The following WASHC2C variants were observed in gnomAD, a reference collection of about 807,000 sequenced individuals.
The protein encoded by WASHC2C is WASH complex subunit 2C.
WASHC2C carries 73 observed loss-of-function variants against 142.2 expected under a neutral mutation model. The ratio of observed to expected loss-of-function variants is 0.51; its 90% confidence interval spans 0.43 to 0.62. The LOEUF (loss-of-function observed/expected upper bound fraction) is 0.62. WASHC2C is among the 20% of genes least tolerant of loss of function. WASHC2C has a pLI of 0.00. For missense variants in WASHC2C, 969 were observed against 1,531.7 expected (o/e 0.63, Z 6.13); for synonymous variants, 337 against 565.5 (o/e 0.60, Z 5.73).
intron 29 of WASHC2C, 142 bp downstream of exon 29, chr10:45,789,633 A>G: frequency 6.8e-7 from 1 of 1,465,554 alleles, no homozygotes; most frequent in Non-Finnish European, 9.3e-7. Context: ...AGGCTCTTTT[A>G]TTAATAAGTC....
intron 20 of WASHC2C, among the ~76,000 whole-genome samples, chr10:45,771,924 G>A (rs1169441758): frequency 6.6e-6 from 1 of 152,090 alleles, no homozygotes; most frequent in Non-Finnish European, 1.5e-5. Flanking sequence ...AATGAAATTA[G>A]TTGTTCATAT....
chr10:45,755,050 ATGATGATGATGG>A lies in WASHC2C; in HGVS notation c.1367_1378del (p.Gly456_Asp459del). ...GGTCCCCCTCCCACTGGCCTCTTTG[ATGATGATGATGG>A]TGATGATGATGACGACTTTTTCTCG... On this transcript the variant is annotated inframe_deletion, in exon 15 of 31. Transcript: ENST00000623400. The A allele has an allele frequency of 6.2e-7, 1 of 1,611,636 alleles. No homozygotes were observed. The highest frequency in any genetic ancestry group is 2.2e-5 in the East Asian group (1 of 44,870).
At chr10:45,761,798 T>C (rs566738890) in intron 17 of WASHC2C, among the ~76,000 whole-genome samples, 1 of 152,324 alleles carries the variant, frequency 6.6e-6, no homozygotes, top group African/African-American at 2.4e-5. Flanking sequence ...TTGGTTTACT[T>C]TCATTTTCTT....
chr10:45,784,934 G>C (rs1554889448), intron 25 of WASHC2C, 33 bp downstream of exon 25: 1 of 1,609,282 alleles, frequency 6.2e-7, no homozygotes, highest in Non-Finnish European at 8.5e-7. Context: ...ACTGGGTTGT[G>C]TGGGAAAGAT....
At position 45,765,726 on chromosome 10, in the gene WASHC2C, A is replaced by G. The variant is rs567231450; in HGVS notation, c.1785A>G (p.Leu595=). 6.2e-7 allele frequency: 1 copy of G among 1,612,060 alleles called. No individual in the cohort carries two copies. Among genetic ancestry groups the G allele is most frequent in the African/African-American group, 1.3e-5 (1 of 74,994 alleles). The stretch of plus-strand genomic sequence containing the variant: ...CTGCTAAGAAGCAGACATTGTCTCT[A>G]CAAGCTCAGAGAGAAGAGAAAGCAA... ...GTAAKKQTLS[L]QAQREEKAKA... The change falls in exon 19 of 31, where the codon CTA becomes CTG. Residue 595 remains leucine, a synonymous_variant. Transcript: ENST00000623400.
rs201830563 is a variant in WASHC2C at position 45,727,508 on chromosome 10, G to A, written c.95G>A (p.Ser32Asn). Residue 32 changes from serine to asparagine, a missense_variant, in exon 2 of 31, where the codon AGC (serine) becomes AAC (asparagine). Physicochemically the swap from Ser to Asn is conservative, Grantham distance 46. Transcript: ENST00000623400. Reference sequence around the variant, plus strand: ...TCGGTGGAGGAGATCCGCAGGAGCAGCCAGAGCTGGTCGCTGGCGGCCGAC... The same window carrying A: ...TCGGTGGAGGAGATCCGCAGGAGCAACCAGAGCTGGTCGCTGGCGGCCGAC... The part of the protein sequence containing the change: ...PWSVEEIRRS[S>N]QSWSLAADAG... 1.0e-3 allele frequency: 1,596 copies of A among 1,600,954 alleles called. 10 individuals are homozygous for A. The highest frequency in any genetic ancestry group is 1.4e-4 in the Non-Finnish European group (160 of 1,175,284).
At chr10:45,781,161 G>A (rs1205399783) in intron 23 of WASHC2C, among the ~76,000 whole-genome samples, 1 of 151,836 alleles carries the variant, frequency 6.6e-6, no homozygotes, top group African/African-American at 2.4e-5. Context: ...AGTAAATTTA[G>A]CAAAAGAAGT....
intron 6 of WASHC2C, among the ~76,000 whole-genome samples, chr10:45,744,448 G>GTC (rs2052550559): frequency 7.2e-6 from 1 of 139,094 alleles, no homozygotes; most frequent in Non-Finnish European, 1.6e-5. Flanking sequence ...ACCCTTTACA[G>GTC]TCTCTCTCTT....
intron 3 of WASHC2C, among the ~76,000 whole-genome samples, chr10:45,729,715 TCTCATAGGGTGTC>T (rs1453677023): frequency 6.7e-6 from 1 of 150,142 alleles, no homozygotes; most frequent in Admixed American, 6.7e-5. Flanking sequence ...GACCTGTGTT[TCTCATAGGGTGTC>T]CCAACTTTCT....
intron 23 of WASHC2C, among the ~76,000 whole-genome samples, chr10:45,780,847 G>A (rs2057444811): frequency 2.0e-5 from 3 of 150,900 alleles, no homozygotes; most frequent in African/African-American, 4.9e-5. Flanking sequence ...TTTGCCTCCC[G>A]GGTTCAAGCG....
chr10:45,771,122 T>C (rs1554884455), intron 20 of WASHC2C, among the ~76,000 whole-genome samples: 2 of 151,898 alleles, frequency 1.3e-5, no homozygotes, highest in African/African-American at 2.4e-5. Flanking sequence ...ATCCCAGCAC[T>C]TGGGGAGGCC....
intron 19 of WASHC2C, among the ~76,000 whole-genome samples, chr10:45,768,073 A>G (rs1408694210): frequency 2.7e-5 from 4 of 146,988 alleles, no homozygotes; most frequent in African/African-American, 7.4e-5. Context: ...TAAAAAATAC[A>G]AAAATTATCT....
intron 19 of WASHC2C, among the ~76,000 whole-genome samples, chr10:45,767,535 TG>T (rs1283980225): frequency 1.6e-4 from 25 of 152,288 alleles, no homozygotes; most frequent in Non-Finnish European, 4.4e-5. Context: ...CAGACATCAG[TG>T]TAGTTGCTCC....
chr10:45,785,000 C>T, intron 25 of WASHC2C, 99 bp downstream of exon 25: 7 of 1,608,414 alleles, frequency 4.4e-6, no homozygotes, highest in East Asian at 2.2e-5. Flanking sequence ...CTAGGAGAGT[C>T]GTGCTGCTTC....
At chr10:45,730,760 C>T (rs572802541) in intron 3 of WASHC2C, among the ~76,000 whole-genome samples, 3 of 152,010 alleles carry the variant, frequency 2.0e-5, no homozygotes, top group African/African-American at 7.3e-5. Flanking sequence ...GCTGGGACTA[C>T]AGGCGCGTGC....
intron 30 of WASHC2C, 90 bp from the exon 31 acceptor site, chr10:45,792,171 G>C: frequency 1.4e-6 from 2 of 1,391,714 alleles, no homozygotes; most frequent in Non-Finnish European, 2.0e-6. Context: ...TGTTACGAGA[G>C]CTGGGTCTTT....
At chr10:45,741,334 T>C (rs2052020097) in intron 5 of WASHC2C, among the ~76,000 whole-genome samples, 1 of 152,186 alleles carries the variant, frequency 6.6e-6, no homozygotes, top group Non-Finnish European at 1.5e-5. Context: ...GGCAGATCAT[T>C]TGGCACTGAC....
intron 13 of WASHC2C, 36 bp from the exon 14 acceptor site, chr10:45,754,450 C>G: frequency 6.3e-7 from 1 of 1,596,412 alleles, no homozygotes; most frequent in Non-Finnish European, 8.5e-7. Flanking sequence ...AGTTATTTCC[C>G]TTGTAAAATG....
At chr10:45,769,319 C>T (rs1391474897) in intron 19 of WASHC2C, 130 bp from the exon 20 acceptor site, 73 of 1,428,688 alleles carry the variant, frequency 5.1e-5, no homozygotes, top group Admixed American at 1.3e-4. Context: ...GGGGTTTCAC[C>T]GTGTTAGCAA....
Sources: allele counts gnomAD v4.1 joint callset (sites outside exome capture counted in the v4.1 genomes callset), GRCh38; gene constraint gnomAD v4.1.1; transcripts MANE v1.5; gene names NCBI Gene and HGNC (gene_info 2026-07-23, HGNC 2026-07-21).